Variants in TTC29 observed in about 807,000 individuals in gnomAD.
TTC29 encodes the protein tetratricopeptide repeat protein 29.
TTC29 carries 49 observed loss-of-function variants against 58.1 expected under a neutral mutation model. That is an observed-to-expected ratio of 0.84 (90% CI 0.67 to 1.07). The LOEUF is 1.07. TTC29 is among the 50% of genes least tolerant of loss of function. The pLI, the probability that TTC29 is intolerant of heterozygous loss-of-function variation, is 0.00. For missense variants in TTC29, 582 were observed against 555.6 expected, an observed-to-expected ratio of 1.05 and a Z score of -0.48; for synonymous variants, 209 against 196.8, an observed-to-expected ratio of 1.06 and a Z score of -0.52.
intron 11 of TTC29, among the ~76,000 whole-genome samples, chr4:146,733,829 T>G (rs1488207473): frequency 6.6e-6 from 1 of 152,198 alleles, no homozygotes; most frequent in Non-Finnish European, 1.5e-5. Flanking sequence ...TACTTTTGTC[T>G]GAGAGATTAT....
At chr4:146,817,519 A>T (rs1427680290) in intron 10 of TTC29, among the ~76,000 whole-genome samples, 1 of 152,214 alleles carries the variant, frequency 6.6e-6, no homozygotes, top group African/African-American at 2.4e-5. Flanking sequence ...AAGGTAATTT[A>T]TAGATTCAAT....
rs760295699 is a variant in TTC29, at chr4:146,937,634, C to A, written c.136G>T (p.Glu46Ter). 25 of 1,542,150 alleles carry A rather than the reference C, an allele frequency of 1.6e-5. No homozygotes were observed. The highest frequency in any genetic ancestry group is 2.1e-5 in the Non-Finnish European group (24 of 1,139,962). Residue 46 changes from glutamate (E) to a stop codon, truncating the protein, a stop_gained, in exon 4 of 13, where the codon GAG (glutamate) becomes TAG (stop). Coordinates refer to ENST00000325106, the MANE Select transcript of TTC29 (RefSeq NM_031956.4). LOFTEE classifies it high-confidence loss of function. The part of the protein sequence containing the change: ...KEKDDIDHYL[E>*]VNFKGLSKEE... ...TTTGATAATCCTTTGAAATTTACCT[C>A]TAGATAATGATCTATGTCATCTTTT...
chr4:146,840,865 A>G (rs943279021), intron 8 of TTC29, among the ~76,000 whole-genome samples: 1 of 152,130 alleles, frequency 6.6e-6, no homozygotes, highest in Non-Finnish European at 1.5e-5. Context: ...ATGAGAATAA[A>G]TGATACAATG....
chr4:146,820,138 A>T lies in TTC29; in HGVS notation c.1088T>A (p.Ile363Asn). ...LVRASTMLGD[I>N]YNEKGYYNKA... ...ACATAGACTCACTTTTTCATTGTAGATGTCCCCAAGCATTGTACTTGCTCT... is the reference window on the plus strand; with the variant it reads ...ACATAGACTCACTTTTTCATTGTAGTTGTCCCCAAGCATTGTACTTGCTCT... Residue 363 changes from isoleucine (I) to asparagine (N), a missense_variant, in exon 10 of 13, where the codon ATC becomes AAC. Physicochemically the swap from Ile to Asn is moderately radical, Grantham distance 149. Coordinates refer to ENST00000325106, the MANE Select transcript of TTC29 (RefSeq NM_031956.4). 2 of 1,612,950 alleles carry T rather than the reference A, an allele frequency of 1.2e-6. No individual in the cohort carries two copies. The highest frequency in any genetic ancestry group is 1.7e-6 in the Non-Finnish European group (2 of 1,179,746).
intron 11 of TTC29, among the ~76,000 whole-genome samples, chr4:146,724,092 G>A (rs1743584559): frequency 6.6e-6 from 1 of 152,174 alleles, no homozygotes; most frequent in African/African-American, 2.4e-5. Context: ...TGCAGCTGGA[G>A]GCCATTATCC....
At chr4:146,715,430 A>G (rs1742858046) in intron 11 of TTC29, among the ~76,000 whole-genome samples, 1 of 152,230 alleles carries the variant, frequency 6.6e-6, no homozygotes, top group Non-Finnish European at 1.5e-5. Context: ...CTATTCAGCT[A>G]CAAAACAGAA....
intron 8 of TTC29, among the ~76,000 whole-genome samples, chr4:146,856,072 A>G (rs924147415): frequency 6.6e-6 from 1 of 152,132 alleles, no homozygotes; most frequent in African/African-American, 2.4e-5. Context: ...TTGAACTTTA[A>G]GGAGTATACA....
At chr4:146,817,910 T>C (rs1004186866) in intron 10 of TTC29, among the ~76,000 whole-genome samples, 15 of 152,198 alleles carry the variant, frequency 9.9e-5, no homozygotes, top group Non-Finnish European at 1.6e-4. Flanking sequence ...ATCCCTTCCT[T>C]ACACCTTACA....
chr4:146,797,369 A>G (rs576043460), intron 11 of TTC29, among the ~76,000 whole-genome samples: 2 of 152,356 alleles, frequency 1.3e-5, no homozygotes, highest in Non-Finnish European at 2.9e-5. Flanking sequence ...GCACAGATGC[A>G]GATTTCAAAA....
In TTC29 at chr4:146,890,707, A is replaced by G. The variant is rs1011077952; in HGVS notation, c.586+12837T>C. Reference sequence around the variant, plus strand: ...CCAGATGGCTGAATATTCCCCTCACACATAGAGGGCCTGGGCTTTGTGGGG... The same window carrying G: ...CCAGATGGCTGAATATTCCCCTCACGCATAGAGGGCCTGGGCTTTGTGGGG... On this transcript the variant is annotated intron_variant, in intron 6 of 12. Coordinates refer to ENST00000325106, the MANE Select transcript of TTC29 (RefSeq NM_031956.4). Among the ~76,000 whole-genome samples the G allele has an allele frequency of 4.6e-5, 7 of 152,324 alleles. 1 individual carries two copies. The highest frequency in any genetic ancestry group is 1.7e-4 in the African/African-American group (7 of 41,586).
At chr4:146,923,287 G>A (rs974251130) in intron 4 of TTC29, among the ~76,000 whole-genome samples, 3 of 151,574 alleles carry the variant, frequency 2.0e-5, no homozygotes, top group Non-Finnish European at 4.4e-5. Flanking sequence ...AATTAAAATC[G>A]TAGCTCAATA....
chr4:146,836,897 G>C (rs1486009281), intron 8 of TTC29, among the ~76,000 whole-genome samples: 1 of 152,130 alleles, frequency 6.6e-6, no homozygotes, highest in African/African-American at 2.4e-5. Context: ...CTGTTGGTGG[G>C]AGTGTAAATT....
intron 9 of TTC29, among the ~76,000 whole-genome samples, chr4:146,824,535 T>A (rs1727629509): frequency 6.7e-6 from 1 of 149,166 alleles, no homozygotes; most frequent in Non-Finnish European, 1.5e-5. Context: ...ACATTGATGT[T>A]CATCGGGGAT....
intron 11 of TTC29, among the ~76,000 whole-genome samples, chr4:146,752,755 A>G (rs1188912428): frequency 1.3e-5 from 2 of 152,202 alleles, no homozygotes; most frequent in Non-Finnish European, 2.9e-5. Flanking sequence ...CCACATATCT[A>G]CAACTATCTG....
intron 11 of TTC29, among the ~76,000 whole-genome samples, chr4:146,725,373 A>G (rs898840216): frequency 6.6e-6 from 1 of 152,124 alleles, no homozygotes; most frequent in Non-Finnish European, 1.5e-5. Context: ...GTCTCCACAA[A>G]AAATTTTAAA....
chr4:146,879,039 C>T (rs1008078365), intron 6 of TTC29, among the ~76,000 whole-genome samples: 10 of 152,074 alleles, frequency 6.6e-5, no homozygotes, highest in Non-Finnish European at 1.3e-4. Context: ...GAGGTCCCTA[C>T]TACACAGAAG....
intron 11 of TTC29, among the ~76,000 whole-genome samples, chr4:146,801,885 A>T (rs916246982): frequency 5.6e-5 from 8 of 143,314 alleles, no homozygotes; most frequent in Non-Finnish European, 9.1e-5. Flanking sequence ...AGGCTGAAGC[A>T]GGAGAATGGT....
At chr4:146,935,489 C>T (rs1056175384) in intron 4 of TTC29, among the ~76,000 whole-genome samples, 2 of 152,134 alleles carry the variant, frequency 1.3e-5, no homozygotes, top group African/African-American at 2.4e-5. Context: ...TACTGAAGAT[C>T]TATGACTACC....
At chr4:146,778,035 A>T (rs952640498) in intron 11 of TTC29, among the ~76,000 whole-genome samples, 1 of 152,204 alleles carries the variant, frequency 6.6e-6, no homozygotes, top group Non-Finnish European at 1.5e-5. Flanking sequence ...GGAGATGTCA[A>T]GTGTTGGCCA....
Sources: gnomAD v4.1 joint callset for allele counts (sites outside exome capture counted in the v4.1 genomes callset) on GRCh38, gnomAD v4.1.1 for gene constraint, MANE v1.5 for transcripts, NCBI Gene and HGNC (gene_info 2026-07-23, HGNC 2026-07-21) for gene names.